Variants in CHRM3 observed in about 807,000 individuals in gnomAD.
CHRM3 encodes the protein muscarinic acetylcholine receptor M3.
Under a neutral mutation model 41.8 loss-of-function variants are expected in CHRM3, and 11 were observed. The observed-to-expected ratio is 0.26, with a 90% CI of 0.17 to 0.44. The LOEUF is 0.44. Ranked by LOEUF, CHRM3 falls within the 20% of genes least tolerant of loss-of-function variation. The pLI is 1.00. For missense variants in CHRM3, 571 were observed against 745.4 expected, an observed-to-expected ratio of 0.77 and a Z score of 2.72; for synonymous variants, 297 against 301.4, an observed-to-expected ratio of 0.99 and a Z score of 0.15.
intron 1 of CHRM3, among the ~76,000 whole-genome samples, chr1:239,420,221 A>T (rs562446350): frequency 2.6e-5 from 4 of 152,176 alleles, no homozygotes; most frequent in African/African-American, 9.6e-5. Flanking sequence ...CTGTCTTCAC[A>T]CTCACCTGCT....
chr1:239,877,189 T>C (rs1677175814), intron 6 of CHRM3, among the ~76,000 whole-genome samples: 1 of 152,204 alleles, frequency 6.6e-6, no homozygotes, highest in Admixed American at 6.5e-5. Context: ...GAATCATCCC[T>C]TTGGAAACTA....
At chr1:239,388,743 A>G (rs946623726) in intron 1 of CHRM3, among the ~76,000 whole-genome samples, 1 of 152,252 alleles carries the variant, frequency 6.6e-6, no homozygotes, top group African/African-American at 2.4e-5. Context: ...ATCCCGAAGT[A>G]TACATGTGCA....
intron 3 of CHRM3, among the ~76,000 whole-genome samples, chr1:239,595,605 C>T (rs1172413250): frequency 6.6e-6 from 1 of 152,108 alleles, no homozygotes; most frequent in Non-Finnish European, 1.5e-5. Context: ...TTTCAATTAT[C>T]CAATTTGCCA....
At chr1:239,880,729 A>G (rs1677517167) in intron 6 of CHRM3, among the ~76,000 whole-genome samples, 1 of 152,096 alleles carries the variant, frequency 6.6e-6, no homozygotes, top group African/African-American at 2.4e-5. Flanking sequence ...CTCCTGGCCT[A>G]CAAGTGATCC....
intron 5 of CHRM3, among the ~76,000 whole-genome samples, chr1:239,733,800 A>G (rs1664177717): frequency 6.6e-6 from 1 of 152,148 alleles, no homozygotes; most frequent in African/African-American, 2.4e-5. Flanking sequence ...GTAACCACTT[A>G]TTAAGCACCT....
At chr1:239,420,236 T>A (rs1471001551) in intron 1 of CHRM3, among the ~76,000 whole-genome samples, 1 of 152,228 alleles carries the variant, frequency 6.6e-6, no homozygotes, top group Non-Finnish European at 1.5e-5. Flanking sequence ...CCTGCTTTAT[T>A]GTACTCAACT....
At chr1:239,548,511 C>A (rs751794168) in intron 3 of CHRM3, among the ~76,000 whole-genome samples, 1 of 152,360 alleles carries the variant, frequency 6.6e-6, no homozygotes, top group East Asian at 1.9e-4. Context: ...GCTTTGCACA[C>A]ACCCATTTAT....
chr1:239,675,280 AAATCTT>A (rs1657877147), intron 4 of CHRM3, among the ~76,000 whole-genome samples: 6 of 152,152 alleles, frequency 3.9e-5, no homozygotes, highest in Admixed American at 3.9e-4. Context: ...TCTCTTTTAA[AAATCTT>A]ATCCAAGCTT....
intron 2 of CHRM3, among the ~76,000 whole-genome samples, chr1:239,511,882 G>A (rs931878523): frequency 1.3e-5 from 2 of 152,190 alleles, no homozygotes; most frequent in Non-Finnish European, 2.9e-5. Context: ...AAATTATAAT[G>A]AATGAGCACT....
chr1:239,668,231 T>C (rs568328828), intron 4 of CHRM3, among the ~76,000 whole-genome samples: 1 of 151,502 alleles, frequency 6.6e-6, no homozygotes, highest in Non-Finnish European at 1.5e-5. Flanking sequence ...CCTGAGTAGC[T>C]GGGATTACAG....
intron 5 of CHRM3, among the ~76,000 whole-genome samples, chr1:239,801,237 G>C (rs1670189036): frequency 6.6e-6 from 1 of 152,204 alleles, no homozygotes; most frequent in Non-Finnish European, 1.5e-5. Context: ...TTGAGGCTTA[G>C]AGCAGTGGCG....
chr1:239,531,699 G>A (rs374490574), intron 2 of CHRM3, among the ~76,000 whole-genome samples: 13 of 112,288 alleles, frequency 1.2e-4, no homozygotes, highest in Non-Finnish European at 1.6e-4. Context: ...TCGCTCTGTC[G>A]CCCAGGCTGG....
intron 4 of CHRM3, among the ~76,000 whole-genome samples, chr1:239,660,801 A>G (rs1673128225): frequency 6.6e-6 from 1 of 152,130 alleles, no homozygotes; most frequent in South Asian, 2.1e-4. Context: ...CAATTGCTTG[A>G]ACCTGGGAGG....
At chr1:239,731,052 G>C (rs1289329992) in intron 5 of CHRM3, among the ~76,000 whole-genome samples, 2 of 152,046 alleles carry the variant, frequency 1.3e-5, no homozygotes, top group East Asian at 3.9e-4. Context: ...TTACTTAGGT[G>C]GTTGGAAGAT....
intron 1 of CHRM3, among the ~76,000 whole-genome samples, chr1:239,412,659 T>A (rs918554039): frequency 2.0e-5 from 3 of 152,018 alleles, no homozygotes; most frequent in African/African-American, 7.2e-5. Context: ...CCTGCTTTTT[T>A]TGCTGTGAAT....
intron 6 of CHRM3, among the ~76,000 whole-genome samples, chr1:239,868,501 C>A (rs1254910021): frequency 6.6e-6 from 1 of 152,100 alleles, no homozygotes; most frequent in African/African-American, 2.4e-5. Context: ...ACAGATATCT[C>A]AAAATAAGTA....
intron 1 of CHRM3, among the ~76,000 whole-genome samples, chr1:239,481,713 T>G (rs888887179): frequency 3.3e-5 from 5 of 152,206 alleles, no homozygotes; most frequent in Non-Finnish European, 7.3e-5. Context: ...GGAGATGATA[T>G]TTGAACAGCT....
chr1:239,729,736 A>C (rs964319557), intron 5 of CHRM3, among the ~76,000 whole-genome samples: 1 of 151,950 alleles, frequency 6.6e-6, no homozygotes, highest in Non-Finnish European at 1.5e-5. Flanking sequence ...ATGCCTTAAA[A>C]ATGCGTGATG....
chr1:239,634,477 A>G (rs2148886518), intron 4 of CHRM3, among the ~76,000 whole-genome samples: 1 of 152,206 alleles, frequency 6.6e-6, no homozygotes, highest in African/African-American at 2.4e-5. Flanking sequence ...CTGATTTGGG[A>G]AAATCAGTTT....
Sources: gnomAD v4.1 joint callset for allele counts (sites outside exome capture counted in the v4.1 genomes callset) on GRCh38, gnomAD v4.1.1 for gene constraint, MANE v1.5 for transcripts, NCBI Gene and HGNC (gene_info 2026-07-23, HGNC 2026-07-21) for gene names.